The following ABRAXAS1 variants were observed in gnomAD, a reference collection of about 807,000 sequenced individuals.
The protein encoded by ABRAXAS1 is BRCA1-A complex subunit Abraxas 1.
In ABRAXAS1, 26 loss-of-function variants were observed where a neutral mutation model predicts 38.4. That is an observed-to-expected ratio of 0.68 (90% confidence interval 0.50 to 0.94). ABRAXAS1 has a LOEUF of 0.94. Ranked by LOEUF, ABRAXAS1 falls within the 40% of genes least tolerant of loss-of-function variation. The probability of loss-of-function intolerance (pLI) is 0.00; values close to 1 mark genes in which losing one functional copy is unlikely to be tolerated. For missense variants in ABRAXAS1, 438 were observed against 481.9 expected (o/e 0.91, Z 0.85); for synonymous variants, 144 against 165.5 (o/e 0.87, Z 1.00).
At chr4:83,471,460 A>C (rs1663108169) in intron 4 of ABRAXAS1, among the ~76,000 whole-genome samples, 1 of 151,750 alleles carries the variant, frequency 6.6e-6, no homozygotes, top group Non-Finnish European at 1.5e-5. Flanking sequence ...CGCCCTCCGC[A>C]GCCTACCAAA....
intron 2 of ABRAXAS1, among the ~76,000 whole-genome samples, chr4:83,481,389 C>G (rs1247689272): frequency 1.3e-5 from 2 of 152,124 alleles, no homozygotes. Context: ...AAGCTGCCAC[C>G]AGTTATAACT....
chr4:83,470,155 T>G, intron 5 of ABRAXAS1, 48 bp downstream of exon 5: 2 of 1,427,266 alleles, frequency 1.4e-6, no homozygotes, highest in Non-Finnish European at 1.9e-6. Flanking sequence ...AAGTATTAGA[T>G]ATATTTTTCT....
At chr4:83,464,909 T>G (rs1173592010) in intron 7 of ABRAXAS1, among the ~76,000 whole-genome samples, 2 of 152,246 alleles carry the variant, frequency 1.3e-5, no homozygotes, top group Non-Finnish European at 2.9e-5. Flanking sequence ...TCAGCTGCTT[T>G]CTGCCTACAG....
At chr4:83,484,750 G>T in intron 1 of ABRAXAS1, 1 of 397,466 alleles carries the variant, frequency 2.5e-6, no homozygotes, top group Non-Finnish European at 4.5e-6. Context: ...GGACACTTGG[G>T]TCGGAAAAGG....
At chr4:83,469,394 G>A (rs1722500294) in intron 5 of ABRAXAS1, 1 of 384,972 alleles carries the variant, frequency 2.6e-6, no homozygotes, top group Non-Finnish European at 4.8e-6. Context: ...GCTCAATAAT[G>A]CAGCTTCAAC....
In ABRAXAS1 at chr4:83,462,458, G is replaced by A. The variant is rs1578121974; in HGVS notation, c.*11C>T. On this transcript the variant is annotated 3_prime_UTR_variant, in exon 9 of 9. Coordinates refer to ENST00000321945, the MANE Select transcript of ABRAXAS1 (RefSeq NM_139076.3). ...GCCAAATAAAAAAATCTCCTTGTAA[G>A]GTTAAAAGGATCAAAATGTAGGAGA... The A allele has an allele frequency of 5.0e-6, 8 of 1,596,620 alleles. No homozygotes were observed. In the East Asian group the frequency reaches 1.8e-4, roughly 36 times the overall value.
At chr4:83,474,483 G>C (rs1447369261) in intron 3 of ABRAXAS1, among the ~76,000 whole-genome samples, 1 of 152,112 alleles carries the variant, frequency 6.6e-6, no homozygotes, top group Non-Finnish European at 1.5e-5. Context: ...GGAGGCCACA[G>C]TGGGTGGATC....
At chr4:83,465,014 G>A (rs1276567718) in intron 7 of ABRAXAS1, among the ~76,000 whole-genome samples, 1 of 152,004 alleles carries the variant, frequency 6.6e-6, no homozygotes, top group Non-Finnish European at 1.5e-5. Context: ...AAAATAAAGA[G>A]GCCGGGCAAG....
intron 3 of ABRAXAS1, among the ~76,000 whole-genome samples, chr4:83,474,462 C>T (rs1238841195): frequency 1.3e-5 from 2 of 152,056 alleles, no homozygotes; most frequent in Non-Finnish European, 2.9e-5. Flanking sequence ...ACCTGTAATC[C>T]TAGCACTCTG....
rs1722087487 is a variant in ABRAXAS1, at chr4:83,461,069, C to T, written c.*1400G>A. ...TACCTCAACAACTGAATTGAGCTAG[C>T]TGAAATTTTGCTCATTATGTTTTGT... On this transcript the variant is annotated 3_prime_UTR_variant, in exon 9 of 9. Coordinates refer to ENST00000321945, the MANE Select transcript of ABRAXAS1 (RefSeq NM_139076.3). The T allele has an allele frequency of 2.5e-6, 4 of 1,611,686 alleles. No individual in the cohort carries two copies. The highest frequency in any genetic ancestry group is 2.2e-5 in the South Asian group (2 of 90,990).
At position 83,469,120 on chromosome 4, in the gene ABRAXAS1, T is replaced by C. The variant is rs141624154; in HGVS notation, c.508A>G (p.Asn170Asp). 6.2e-7 allele frequency: 1 copy of C among 1,613,824 alleles called. No individual in the cohort carries two copies. Among genetic ancestry groups the C allele is most frequent in the Non-Finnish European group, 8.5e-7 (1 of 1,179,912 alleles). The change falls in exon 6 of 9, where the codon AAT (asparagine) becomes GAT (aspartate). Residue 170 changes from asparagine to aspartate, a missense_variant. Physicochemically the swap from Asn to Asp is conservative, Grantham distance 23. Transcript: ENST00000321945. ...CCCAGTTGTTCAGACATGCCCAGATTGGCAACCACTAAAGGTACCCTGTGA... is the reference window on the plus strand; with the variant it reads ...CCCAGTTGTTCAGACATGCCCAGATCGGCAACCACTAAAGGTACCCTGTGA... ...LFHRVPLVVA[N>D]LGMSEQLGYK...
intron 8 of ABRAXAS1, among the ~76,000 whole-genome samples, chr4:83,463,235 GC>G (rs371035914): frequency 0.024 from 3,630 of 152,154 alleles, 137 homozygotes; most frequent in African/African-American, 0.083. Flanking sequence ...TTCAAGACCA[GC>G]CTGGCCAACA....
chr4:83,466,442 C>T (rs1187722365), intron 7 of ABRAXAS1, among the ~76,000 whole-genome samples: 1 of 152,168 alleles, frequency 6.6e-6, no homozygotes, highest in Admixed American at 6.5e-5. Flanking sequence ...TATATCCCTG[C>T]CTATTACCAT....
intron 4 of ABRAXAS1, among the ~76,000 whole-genome samples, chr4:83,471,397 A>G (rs1374453502): frequency 6.6e-6 from 1 of 150,760 alleles, no homozygotes; most frequent in Non-Finnish European, 1.5e-5. Flanking sequence ...TTTAGTAGAG[A>G]TGGGGTTTCA....
intron 1 of ABRAXAS1, among the ~76,000 whole-genome samples, chr4:83,483,339 G>A (rs941259466): frequency 6.7e-6 from 1 of 150,256 alleles, no homozygotes; most frequent in African/African-American, 2.5e-5. Context: ...GGAGTGCAGC[G>A]GTGCAATCAC....
intron 2 of ABRAXAS1, chr4:83,477,680 C>A: frequency 1.8e-6 from 1 of 570,942 alleles, no homozygotes; most frequent in South Asian, 1.5e-5. Flanking sequence ...CATTGATGTC[C>A]GTTTCAAAGA....
At chr4:83,478,435 A>G (rs1290532644) in intron 2 of ABRAXAS1, 4 of 484,484 alleles carry the variant, frequency 8.3e-6, no homozygotes, top group African/African-American at 2.0e-5. Context: ...GGACTGAATT[A>G]TATGTGAGCC....
In ABRAXAS1 at chr4:83,485,060, T is replaced by A; in HGVS notation, c.13A>T (p.Ser5Cys). ...AAGCCCGAGAGCACCGCCGACGTAC[T>A]CTCCCCCTCCATGCTACCGCCGCCT... MEGE[S>C]TSAVLSGFVL... is the part of the protein sequence containing the mutation. Residue 5 changes from serine (S) to cysteine (C), a missense_variant, in exon 1 of 9, where the codon AGT (serine) becomes TGT (cysteine). Coordinates refer to ENST00000321945, the MANE Select transcript of ABRAXAS1 (RefSeq NM_139076.3). The A allele has an allele frequency of 6.3e-7, 1 of 1,589,714 alleles. No homozygotes were observed. Among genetic ancestry groups the A allele is most frequent in the South Asian group, 1.1e-5 (1 of 88,564 alleles).
Position 83,478,681 on chromosome 4 carries a change from T to C in ABRAXAS1, c.179-2002A>G, listed in dbSNP as rs1369236623. The C allele has an allele frequency of 3.3e-5, 6 of 182,308 alleles. No individual in the cohort carries two copies. In the Admixed American group the frequency reaches 3.3e-4, roughly 10 times the overall value. 11.3% of individuals were successfully genotyped at this position (182,308 alleles called of 1,614,324 possible). ...TGGTATCTTCTATGAAGATGGATAC[T>C]AATGGATGACACTGAAAATGGCCTG... On this transcript the variant is annotated intron_variant, in intron 2 of 8. Coordinates refer to ENST00000321945, the MANE Select transcript of ABRAXAS1 (RefSeq NM_139076.3).
Sources: allele counts gnomAD v4.1 joint callset (sites outside exome capture counted in the v4.1 genomes callset), GRCh38; gene constraint gnomAD v4.1.1; transcripts MANE v1.5; gene names NCBI Gene and HGNC (gene_info 2026-07-23, HGNC 2026-07-21).